SLC5A10: variants seen among roughly 807,000 people sequenced by gnomAD.
The protein encoded by SLC5A10 is solute carrier family 5 member 10.
In SLC5A10, 55 loss-of-function variants were observed where a neutral mutation model predicts 68.9. That is an observed-to-expected ratio of 0.80 (90% confidence interval 0.64 to 1.00). The LOEUF (loss-of-function observed/expected upper bound fraction) is 1.00. SLC5A10 is among the 50% of genes least tolerant of loss of function. The pLI is 0.00. For missense variants in SLC5A10, 732 were observed against 819.3 expected (o/e 0.89, Z 1.30); for synonymous variants, 344 against 344.8 (o/e 1.00, Z 0.02).
In SLC5A10 at chr17:18,988,524, AC is replaced by A. The variant is rs367885813; in HGVS notation, c.982+11536del. On this transcript the variant is annotated intron_variant, in intron 9 of 14. Transcript: ENST00000395645. Reference sequence around the variant, plus strand: ...TGCCACCAGCCTCTCACAGGTGCCCACTCTGGCCCTACTCCTGGAGCCTCAG... The same window carrying A: ...TGCCACCAGCCTCTCACAGGTGCCCATCTGGCCCTACTCCTGGAGCCTCAG... 2.7e-5 allele frequency: 41 copies of A among 1,524,138 alleles called. No individual in the cohort carries two copies. The East Asian group carries it at 7.9e-4, about 29-fold the overall frequency. 94.4% of individuals were successfully genotyped at this position (1,524,138 alleles called of 1,614,324 possible). A position where few individuals can be genotyped will look rare whatever the true frequency, so the allele number is the denominator to read the frequency against.
chr17:18,958,368 T>C (rs535473916), intron 1 of SLC5A10, among the ~76,000 whole-genome samples: 14 of 152,350 alleles, frequency 9.2e-5, no homozygotes, highest in African/African-American at 3.4e-4. Context: ...TAGAACTTCA[T>C]TCCTTTTGAA....
chr17:18,973,884 G>GTTTTT (rs35778801), intron 8 of SLC5A10, among the ~76,000 whole-genome samples: 2 of 95,738 alleles, frequency 2.1e-5, no homozygotes, highest in Non-Finnish European at 4.0e-5. Flanking sequence ...TTTTTTTTAA[G>GTTTTT]TTTTTTTTTT....
intron 9 of SLC5A10, among the ~76,000 whole-genome samples, chr17:18,981,293 A>C (rs1231953965): frequency 6.6e-6 from 1 of 151,764 alleles, no homozygotes; most frequent in Non-Finnish European, 1.5e-5. Context: ...CAGGCATGAG[A>C]GGCCTTTGTA....
chr17:19,008,319 GATTTTCTCCTATT>G (rs1287499348), intron 9 of SLC5A10, among the ~76,000 whole-genome samples: 1 of 152,140 alleles, frequency 6.6e-6, no homozygotes, highest in Non-Finnish European at 1.5e-5. Context: ...AGGTCCTAAA[GATTTTCTCCTATT>G]ATTTTCCCCA....
chr17:19,019,300 G>A (rs2044207109), intron 11 of SLC5A10, 123 bp from the exon 12 acceptor site: 5 of 1,225,962 alleles, frequency 4.1e-6, no homozygotes, highest in Non-Finnish European at 5.6e-6. Context: ...AGAGTCCAGG[G>A]AGGAGGCTGG....
At chr17:19,011,958 C>T (rs1421722630) in intron 9 of SLC5A10, among the ~76,000 whole-genome samples, 1 of 151,994 alleles carries the variant, frequency 6.6e-6, no homozygotes, top group African/African-American at 2.4e-5. Flanking sequence ...CACCAAGTCA[C>T]AGAAGTGTCA....
intron 5 of SLC5A10, among the ~76,000 whole-genome samples, chr17:18,963,979 A>G (rs1488718943): frequency 5.3e-5 from 8 of 151,976 alleles, no homozygotes; most frequent in South Asian, 2.1e-4. Flanking sequence ...CTGCGCTTCC[A>G]TGAACACACC....
chr17:19,002,002 T>C (rs565970398), intron 9 of SLC5A10, among the ~76,000 whole-genome samples: 15 of 152,282 alleles, frequency 9.9e-5, no homozygotes, highest in African/African-American at 3.6e-4. Flanking sequence ...CTGGGTTCTC[T>C]AGCCTCCAGC....
chr17:18,973,061 C>T (rs2042894474), intron 8 of SLC5A10, among the ~76,000 whole-genome samples: 1 of 152,198 alleles, frequency 6.6e-6, no homozygotes, highest in Non-Finnish European at 1.5e-5. Flanking sequence ...GGGCTCACAG[C>T]AGGCGTCTGC....
In SLC5A10 at chr17:19,020,185, C is replaced by T. The variant is rs1250520700; in HGVS notation, c.1657C>T (p.Gln553Ter). 3 of 1,608,714 alleles carry T rather than the reference C, an allele frequency of 1.9e-6. No individual in the cohort carries two copies. The African/African-American group carries it at 4.0e-5, about 22-fold the overall frequency. ...IENLTWWTLAQDVPLGTKAGD... is the reference protein window; with the variant it reads ...IENLTWWTLA ...GAACCTTACCTGGTGGACCCTGGCT[C>T]AGGATGTGCCCTTGGGAACTAAAGC... Residue 553 changes from glutamine (Q) to a stop codon, truncating the protein, a stop_gained, in exon 14 of 15, where the codon CAG becomes TAG. Transcript: ENST00000395645. LOFTEE classifies it low-confidence loss of function (END_TRUNC).
chr17:18,971,198 T>C lies in SLC5A10; in HGVS notation c.826T>C (p.Trp276Arg), dbSNP rs1221606747. 1 of 1,613,962 alleles carries C rather than the reference T, an allele frequency of 6.2e-7. No homozygotes were observed. ...CTTTGGCCTGACCATCATGGCCACC[T>C]GGTACTGGTGCACCGACCAGGTGAG... is the stretch of plus-strand genomic sequence containing the variant. Reference protein sequence around the residue: ...MTFGLTIMATWYWCTDQVIVQ... With the variant: ...MTFGLTIMATRYWCTDQVIVQ... The change falls in exon 8 of 15, where the codon TGG (tryptophan) becomes CGG (arginine). Residue 276 changes from tryptophan to arginine, a missense_variant. Coordinates refer to ENST00000395645, the MANE Select transcript of SLC5A10 (RefSeq NM_001042450.4). The surrounding 1 kb of genome is among the most constrained non-coding windows in gnomAD (Gnocchi z 5.5).
At chr17:18,959,697 C>G in intron 4 of SLC5A10, 34 bp downstream of exon 4, 1 of 1,610,042 alleles carries the variant, frequency 6.2e-7, no homozygotes, top group South Asian at 1.1e-5. Flanking sequence ...AGCTGGGGGG[C>G]TGGGCCTTGG....
At chr17:19,012,909 C>T (rs753745468) in intron 9 of SLC5A10, among the ~76,000 whole-genome samples, 4 of 152,222 alleles carry the variant, frequency 2.6e-5, no homozygotes, top group Non-Finnish European at 4.4e-5. Context: ...GCTGCATGAG[C>T]TGCAGCTGTG....
At chr17:18,981,218 C>T (rs981728619) in intron 9 of SLC5A10, among the ~76,000 whole-genome samples, 1 of 151,938 alleles carries the variant, frequency 6.6e-6, no homozygotes, top group African/African-American at 2.4e-5. Flanking sequence ...GGGAGGCTCC[C>T]GGGAGAGGAT....
chr17:18,962,639 GGGGGTGGTGTTTAGGAGCC>G (rs1170245167), intron 5 of SLC5A10, among the ~76,000 whole-genome samples: 4 of 152,126 alleles, frequency 2.6e-5, no homozygotes, highest in Middle Eastern at 3.2e-3. Context: ...CAGGTGGAGC[GGGGGTGGTGTTTAGGAGCC>G]GGGGTGGTGT....
rs1157141288 is a variant in SLC5A10 at position 18,959,131 on chromosome 17, C to A, written c.184-4C>A. 6.2e-7 allele frequency: 1 copy of A among 1,607,898 alleles called. No individual in the cohort carries two copies. Reference sequence around the variant, plus strand: ...GCTGATGCGTTTCCCTTTCTCTCCTCCAGATTGGAGCCTCCCTCTTCGCCA... The same window carrying A: ...GCTGATGCGTTTCCCTTTCTCTCCTACAGATTGGAGCCTCCCTCTTCGCCA... On this transcript the variant is annotated splice_polypyrimidine_tract_variant and splice_region_variant and intron_variant, in intron 2 of 14. Coordinates refer to ENST00000395645, the MANE Select transcript of SLC5A10 (RefSeq NM_001042450.4).
chr17:18,964,726 G>A (rs1018191807), intron 5 of SLC5A10, among the ~76,000 whole-genome samples: 1 of 152,196 alleles, frequency 6.6e-6, no homozygotes, highest in African/African-American at 2.4e-5. Context: ...TCATGGGGCT[G>A]GGGGTGTCTA....
At chr17:18,954,748 T>A (rs185531586) in intron 1 of SLC5A10, among the ~76,000 whole-genome samples, 2 of 152,184 alleles carry the variant, frequency 1.3e-5, no homozygotes, top group Non-Finnish European at 2.9e-5. Context: ...AACAAGTGAC[T>A]GAAAACTGCT....
At chr17:19,016,124 C>T (rs1056730238) in intron 11 of SLC5A10, among the ~76,000 whole-genome samples, 8 of 151,622 alleles carry the variant, frequency 5.3e-5, no homozygotes, top group African/African-American at 1.7e-4. Context: ...TGGCTCCCTG[C>T]GACCTCCACC....
Sources: allele counts gnomAD v4.1 joint callset (sites outside exome capture counted in the v4.1 genomes callset), GRCh38; gene constraint gnomAD v4.1.1; non-coding constraint Gnocchi (gnomAD v3.1); transcripts MANE v1.5; gene names NCBI Gene and HGNC (gene_info 2026-07-23, HGNC 2026-07-21).